Variants in UNC45A observed in about 807,000 individuals in gnomAD.
UNC45A encodes the protein protein unc-45 homolog A.
A neutral mutation model predicts 103.2 loss-of-function variants in UNC45A; 78 were observed. That is an observed-to-expected ratio of 0.76 (90% CI 0.63 to 0.91). The LOEUF (loss-of-function observed/expected upper bound fraction) is 0.91. Among genes scored for constraint, UNC45A ranks in the 40% least tolerant of loss-of-function variants. The pLI is 0.00. For synonymous variants in UNC45A, 495 were observed against 504.6 expected, an observed-to-expected ratio of 0.98 and a Z score of 0.25; for missense variants, 1,193 against 1,224.8, an observed-to-expected ratio of 0.97 and a Z score of 0.39.
Position 90,949,299 on chromosome 15 carries a change from G to A in UNC45A, c.1879-17G>A. ...GAGTCAGCCTAGGCCCCTCTCCTAA[G>A]CTGCCTCCTCCCCCAGGACAAGCCA... is the stretch of plus-strand genomic sequence containing the variant. On this transcript the variant is annotated splice_polypyrimidine_tract_variant and intron_variant, in intron 13 of 19. Coordinates refer to ENST00000418476, the MANE Select transcript of UNC45A (RefSeq NM_018671.5). 6.2e-7 allele frequency: 1 copy of A among 1,608,662 alleles called. No homozygotes were observed. The highest frequency in any genetic ancestry group is 8.5e-7 in the Non-Finnish European group (1 of 1,179,716).
At chr15:90,948,875 CTTTTTTTT>C in intron 13 of UNC45A, 81 bp downstream of exon 13, 24 of 985,184 alleles carry the variant, frequency 2.4e-5, no homozygotes, top group South Asian at 8.1e-5. Flanking sequence ...AACAACCTCC[CTTTTTTTT>C]TTTTTTTTTT....
Position 90,935,371 on chromosome 15 carries a change from C to A in UNC45A, c.47C>A (p.Pro16His), listed in dbSNP as rs1181595922. Residue 16 changes from proline to histidine, a missense_variant, in exon 1 of 20, where the codon CCC becomes CAC. Physicochemically the swap from Pro to His is moderately conservative, Grantham distance 77. Coordinates refer to ENST00000418476, the MANE Select transcript of UNC45A (RefSeq NM_018671.5). Reference sequence around the variant, plus strand: ...ACCCCCGAGCCCCGGCCGGCCACCCCCGGGGTGCGTACCCAACCCCCGCGC... The same window carrying A: ...ACCCCCGAGCCCCGGCCGGCCACCCACGGGGTGCGTACCCAACCCCCGCGC... Reference protein sequence around the residue: ...PGTPEPRPATPGASSVEQLRK... With the variant: ...PGTPEPRPATHGASSVEQLRK... 2 of 1,598,584 alleles carry A rather than the reference C, an allele frequency of 1.3e-6. No homozygotes were observed. The highest frequency in any genetic ancestry group is 2.3e-5 in the East Asian group (1 of 44,132).
In UNC45A at chr15:90,942,892, T is replaced by C; in HGVS notation, c.857-20T>C. On this transcript the variant is annotated intron_variant, in intron 7 of 19. Transcript: ENST00000418476. ...GCTGGGCTGCTGTGGAGCCCACTGA[T>C]GTCTTCTTGTTGTTGCCAGATCCTG... 1 of 1,590,876 alleles carries C rather than the reference T, an allele frequency of 6.3e-7. No homozygotes were observed. Among genetic ancestry groups the C allele is most frequent in the East Asian group, 2.2e-5 (1 of 44,480 alleles).
upstream of UNC45A, chr15:90,931,647 G>T: frequency 1.2e-6 from 2 of 1,614,044 alleles, no homozygotes; most frequent in Middle Eastern, 1.6e-4. Flanking sequence ...ACCAACATGT[G>T]TCTTCAGAAG....
At chr15:90,932,609 C>CG, upstream of UNC45A, 1 of 923,230 alleles carries the variant, frequency 1.1e-6, no homozygotes, top group Non-Finnish European at 1.4e-6. Flanking sequence ...CCCCTGGCGC[C>CG]GGGGAGGCCC....
At chr15:90,934,986 G>T (rs2035927696), upstream of UNC45A, 2 of 523,502 alleles carry the variant, frequency 3.8e-6, no homozygotes, top group Non-Finnish European at 6.7e-6. Context: ...ACAACCTACT[G>T]GTTGTGACCC....
chr15:90,946,479 T>C (rs1442146987), intron 9 of UNC45A, 135 bp from the exon 10 acceptor site: 1 of 1,002,148 alleles, frequency 1.0e-6, no homozygotes, highest in African/African-American at 1.6e-5. Flanking sequence ...GGAAACGTCC[T>C]AGTCCTCCCA....
chr15:90,938,229 T>A (rs1031855637), intron 4 of UNC45A, among the ~76,000 whole-genome samples: 2 of 152,180 alleles, frequency 1.3e-5, no homozygotes, highest in East Asian at 3.8e-4. Flanking sequence ...CATCACCTGT[T>A]CATATTTTTT....
At chr15:90,943,986 GTTTTTTTTT>G (rs953436599) in intron 8 of UNC45A, among the ~76,000 whole-genome samples, 21 of 78,318 alleles carry the variant, frequency 2.7e-4, no homozygotes, top group Non-Finnish European at 3.6e-4. Flanking sequence ...ATTGTGCCCT[GTTTTTTTTT>G]TTTTTTTTTT....
intron 3 of UNC45A, 143 bp downstream of exon 3, chr15:90,936,125 C>T (rs2036004362): frequency 6.6e-7 from 1 of 1,508,352 alleles, no homozygotes; most frequent in Non-Finnish European, 8.9e-7. Flanking sequence ...TCGGGCCTTT[C>T]CTTTTCTGCA....
chr15:90,952,758 A>C (rs1420632641), intron 17 of UNC45A, 171 bp from the exon 18 acceptor site: 2 of 623,392 alleles, frequency 3.2e-6, no homozygotes, highest in South Asian at 1.9e-5. Context: ...ACCAGATCTC[A>C]CGAGAACTTA....
chr15:90,947,584 T>C (rs1347996922), intron 10 of UNC45A: 2 of 583,072 alleles, frequency 3.4e-6, no homozygotes, highest in Non-Finnish European at 6.2e-6. Flanking sequence ...CGCATCAGTG[T>C]CTGCAGATGC....
upstream of UNC45A, chr15:90,931,911 CTG>C: frequency 2.5e-6 from 4 of 1,613,988 alleles, no homozygotes; most frequent in Non-Finnish European, 8.5e-7. Context: ...AGGGTGGTGT[CTG>C]TGTCCTCCAC....
chr15:90,948,723 G>C lies in UNC45A; in HGVS notation c.1807G>C (p.Glu603Gln). ...GAACTGCACCAACAGCTATGACTAC[G>C]AGGAGCCCGACCCCAAGATGGTGGA... ...LVNCTNSYDY[E>Q]EPDPKMVELA... Residue 603 changes from glutamate to glutamine, a missense_variant, in exon 13 of 20, where the codon GAG (glutamate) becomes CAG (glutamine). Coordinates refer to ENST00000418476, the MANE Select transcript of UNC45A (RefSeq NM_018671.5). 1 of 1,613,988 alleles carries C rather than the reference G, an allele frequency of 6.2e-7. No homozygotes were observed. The highest frequency in any genetic ancestry group is 8.5e-7 in the Non-Finnish European group (1 of 1,180,004).
intron 14 of UNC45A, 70 bp from the exon 15 acceptor site, chr15:90,949,584 A>G: frequency 1.2e-6 from 2 of 1,605,516 alleles, no homozygotes; most frequent in South Asian, 2.2e-5. Flanking sequence ...GTCTTTGCTG[A>G]GCCTAGGAGT....
At chr15:90,946,939 T>TGGGCGGGGGGTGGGG in intron 10 of UNC45A, 25 bp downstream of exon 10, 1 of 839,546 alleles carries the variant, frequency 1.2e-6, no homozygotes, top group Non-Finnish European at 1.9e-6. Flanking sequence ...CTGGGGTGGG[T>TGGGCGGGGGGTGGGG]GGGCAGGCAG....
chr15:90,943,207 AC>A, intron 8 of UNC45A, 125 bp downstream of exon 8: 3 of 1,214,880 alleles, frequency 2.5e-6, no homozygotes, highest in Non-Finnish European at 3.4e-6. Flanking sequence ...GCAGGGGGTC[AC>A]TTGAAGCCGG....
At chr15:90,934,704 C>T, upstream of UNC45A, 1 of 398,210 alleles carries the variant, frequency 2.5e-6, no homozygotes. Flanking sequence ...ATTACAATTA[C>T]AAAGGAGAAG....
chr15:90,931,479 G>A, upstream of UNC45A: 1 of 1,614,160 alleles, frequency 6.2e-7, no homozygotes, highest in African/African-American at 1.3e-5. Flanking sequence ...TTCCTGGCAA[G>A]CTTGGTTCAA....
Sources: gnomAD v4.1 joint callset for allele counts (sites outside exome capture counted in the v4.1 genomes callset) on GRCh38, gnomAD v4.1.1 for gene constraint, MANE v1.5 for transcripts, NCBI Gene and HGNC (gene_info 2026-07-23, HGNC 2026-07-21) for gene names.